Variants in HYDIN observed in about 807,000 individuals in gnomAD.
HYDIN encodes the protein axonemal central pair apparatus protein HYDIN.
HYDIN carries 132 observed loss-of-function variants against 403.9 expected under a neutral mutation model. That is an observed-to-expected ratio of 0.33 (90% CI 0.28 to 0.38). The LOEUF (loss-of-function observed/expected upper bound fraction) is 0.38. HYDIN is among the 10% of genes least tolerant of loss of function. HYDIN has a pLI of 1.00. For synonymous variants in HYDIN, 1,202 were observed against 1,891.7 expected (o/e 0.64, Z 9.46); for missense variants, 2,827 against 5,009.5 (o/e 0.56, Z 13.15).
At chr16:70,857,200 G>A (rs1179053656) in intron 72 of HYDIN, among the ~76,000 whole-genome samples, 1 of 102,382 alleles carries the variant, frequency 9.8e-6, no homozygotes, top group African/African-American at 4.3e-5. Flanking sequence ...TAGAATGTAA[G>A]CATCAGGAAG....
chr16:70,831,165 C>T (rs1774490), intron 80 of HYDIN, among the ~76,000 whole-genome samples: 3,627 of 150,754 alleles, frequency 0.024, 138 homozygotes, highest in African/African-American at 0.083. Flanking sequence ...GGTATGTAGA[C>T]GAAAGAAGGA....
At chr16:71,135,756 T>C (rs1274495807) in intron 8 of HYDIN, among the ~76,000 whole-genome samples, 1 of 151,274 alleles carries the variant, frequency 6.6e-6, no homozygotes, top group Non-Finnish European at 1.5e-5. Flanking sequence ...TTCTATGCCA[T>C]AAAGCCAGAG....
At chr16:71,094,805 G>C (rs1202532465) in intron 10 of HYDIN, among the ~76,000 whole-genome samples, 1 of 152,190 alleles carries the variant, frequency 6.6e-6, no homozygotes, top group African/African-American at 2.4e-5. Flanking sequence ...TCTCTCCCAA[G>C]TCCCTGGCTG....
intron 50 of HYDIN, among the ~76,000 whole-genome samples, chr16:70,905,787 CAT>C (rs974175239): frequency 2.6e-5 from 4 of 152,034 alleles, no homozygotes; most frequent in Non-Finnish European, 5.9e-5. Context: ...CTGCCCCAAA[CAT>C]GTGCCTCTTT....
At chr16:71,213,583 C>T (rs1160744341) in intron 1 of HYDIN, among the ~76,000 whole-genome samples, 1 of 151,964 alleles carries the variant, frequency 6.6e-6, no homozygotes, top group Non-Finnish European at 1.5e-5. Flanking sequence ...GAATACTAAT[C>T]CAGCAATAAC....
rs201037437 is a variant in HYDIN at position 70,901,081 on chromosome 16, G to T, written c.8971C>A (p.Pro2991Thr). The change falls in exon 53 of 86, where the codon CCT (proline) becomes ACT (threonine). Residue 2991 changes from proline (P) to threonine (T), a missense_variant. Transcript: ENST00000393567. ...TVSLMQGTIP[P>T]EAEYGLHLYF... ...AGGTGCAGGCCGTACTCAGCCTCAG[G>T]GGGGATGGTCCCCTGCATCAGGGAT... 1 of 729,196 alleles carries T rather than the reference G, an allele frequency of 1.4e-6. No homozygotes were observed. Among genetic ancestry groups the T allele is most frequent in the East Asian group, 2.6e-5 (1 of 37,910 alleles). 45.2% of individuals were successfully genotyped at this position (729,196 alleles called of 1,614,324 possible).
At chr16:71,030,387 A>G (rs1269651944) in intron 19 of HYDIN, among the ~76,000 whole-genome samples, 2 of 151,012 alleles carry the variant, frequency 1.3e-5, no homozygotes, top group Non-Finnish European at 3.0e-5. Flanking sequence ...GTATACATAT[A>G]TATGTGTGTG....
chr16:71,034,723 G>T (rs1242705980), intron 18 of HYDIN, among the ~76,000 whole-genome samples: 5 of 151,356 alleles, frequency 3.3e-5, no homozygotes, highest in Admixed American at 2.0e-4. Context: ...AAGGAAAGAA[G>T]AACATTTTTC....
At chr16:70,877,828 C>T (rs1019805370) in intron 62 of HYDIN, among the ~76,000 whole-genome samples, 14 of 152,154 alleles carry the variant, frequency 9.2e-5, no homozygotes, top group South Asian at 4.2e-4. Context: ...CAGTTAACAA[C>T]GGAAACCGGA....
chr16:71,051,645 C>CAAAAAAAAAAAAAAA (rs56676777), intron 18 of HYDIN, among the ~76,000 whole-genome samples: 6 of 120,178 alleles, frequency 5.0e-5, no homozygotes, highest in African/African-American at 1.3e-4. Flanking sequence ...GACTCTGTCT[C>CAAAAAAAAAAAAAAA]AAAAAAAAAA....
intron 7 of HYDIN, among the ~76,000 whole-genome samples, chr16:71,143,389 C>G (rs934564451): frequency 6.6e-6 from 1 of 151,844 alleles, no homozygotes; most frequent in African/African-American, 2.4e-5. Context: ...AATACTAACA[C>G]CTGCTAATTT....
intron 47 of HYDIN, among the ~76,000 whole-genome samples, chr16:70,916,514 G>A (rs968497545): frequency 6.6e-6 from 1 of 152,158 alleles, no homozygotes; most frequent in Non-Finnish European, 1.5e-5. Flanking sequence ...GGGTCCTGCA[G>A]GAGCAGTCTG....
At chr16:70,937,244 G>A (rs1408131170) in intron 44 of HYDIN, among the ~76,000 whole-genome samples, 2 of 150,046 alleles carry the variant, frequency 1.3e-5, no homozygotes, top group East Asian at 2.0e-4. Flanking sequence ...ATGAATGCCT[G>A]AAAGCAACAG....
At position 70,882,919 on chromosome 16, in the gene HYDIN, G is replaced by A. The variant is rs138451007; in HGVS notation, c.9980-24C>T. On this transcript the variant is annotated intron_variant, in intron 59 of 85. Coordinates refer to ENST00000393567, the MANE Select transcript of HYDIN (RefSeq NM_001270974.2). ...GGCTGGGGAGTGAAGGGGAGACCAT[G>A]AGATGCTGCCTGATTGCTGGATTCC... 3.0e-3 allele frequency: 4,625 copies of A among 1,550,116 alleles called. 116 individuals carry two copies. In the African/African-American group the frequency reaches 0.056, roughly 19 times the overall value.
At chr16:71,077,819 T>C (rs6416725) in intron 13 of HYDIN, among the ~76,000 whole-genome samples, 69,799 of 146,298 alleles carry the variant, frequency 0.48, 19,366 homozygotes, top group African/African-American at 0.74. Flanking sequence ...TACATTTTCC[T>C]ACTGTAGGTT....
intron 58 of HYDIN, among the ~76,000 whole-genome samples, chr16:70,886,757 A>T (rs184995581): frequency 6.6e-6 from 1 of 152,054 alleles, no homozygotes; most frequent in Non-Finnish European, 1.5e-5. Context: ...TTGGGTCTCT[A>T]TGGTTTTTGT....
intron 43 of HYDIN, chr16:70,941,320 G>A (rs963550216): frequency 4.9e-6 from 1 of 202,206 alleles, no homozygotes; most frequent in African/African-American, 2.3e-5. Flanking sequence ...AGCACCGTGA[G>A]TTTTATGAGA....
chr16:70,914,958 C>G (rs1253771536), intron 47 of HYDIN, among the ~76,000 whole-genome samples: 1 of 146,990 alleles, frequency 6.8e-6, no homozygotes, highest in African/African-American at 2.5e-5. Flanking sequence ...TTTTGCATTT[C>G]TCTAAGTGTG....
intron 50 of HYDIN, among the ~76,000 whole-genome samples, chr16:70,907,080 A>G (rs1444885984): frequency 6.6e-6 from 1 of 152,018 alleles, no homozygotes; most frequent in African/African-American, 2.4e-5. Context: ...AACTACAGAA[A>G]TATCTTCCCA....
Sources: gnomAD v4.1 joint callset for allele counts (sites outside exome capture counted in the v4.1 genomes callset) on GRCh38, gnomAD v4.1.1 for gene constraint, MANE v1.5 for transcripts, NCBI Gene and HGNC (gene_info 2026-07-23, HGNC 2026-07-21) for gene names.